SEPTIN5: variants seen among roughly 807,000 people sequenced by gnomAD.
SEPTIN5 encodes septin-5.
Under a neutral mutation model 51.2 loss-of-function variants are expected in SEPTIN5, and 16 were observed. The ratio of observed to expected loss-of-function variants is 0.31; its 90% CI spans 0.21 to 0.47. The LOEUF (loss-of-function observed/expected upper bound fraction) is 0.47, where lower values mean the gene tolerates loss of function less well. SEPTIN5 is among the 20% of genes least tolerant of loss of function. SEPTIN5 has a pLI of 0.99. For synonymous variants in SEPTIN5, 208 were observed against 191.2 expected, an observed-to-expected ratio of 1.09 and a Z score of -0.72; for missense variants, 376 against 500.3, an observed-to-expected ratio of 0.75 and a Z score of 2.37.
chr22:19,718,731 C>T (rs747244051), intron 2 of SEPTIN5: 7 of 1,243,616 alleles, frequency 5.6e-6, no homozygotes, highest in Non-Finnish European at 7.0e-6. Flanking sequence ...CTGGGGGGGT[C>T]GCCGCGATGG....
At chr22:19,720,290 G>C in intron 5 of SEPTIN5, 30 bp from the exon 6 acceptor site, 1 of 1,613,442 alleles carries the variant, frequency 6.2e-7, no homozygotes, top group Non-Finnish European at 8.5e-7. Context: ...CAGCACTCGA[G>C]GCCTGGCCTC....
Position 19,714,929 on chromosome 22 carries a change from C to G in SEPTIN5, c.54+138C>G, listed in dbSNP as rs1449701990. ...CCCTGTCGCGATCACCGATTGTCAG[C>G]CGGGCAGTGCCGCCGCGCCTGGGGC... On this transcript the variant is annotated intron_variant, in intron 2 of 11. Transcript: ENST00000455784. The surrounding 1 kb of genome is among the most constrained non-coding windows in gnomAD (Gnocchi z 5.2). The G allele has an allele frequency of 1.3e-5, 15 of 1,144,244 alleles. No individual in the cohort carries two copies. The South Asian group carries it at 1.9e-4, about 14-fold the overall frequency. 70.9% of individuals were successfully genotyped at this position (1,144,244 alleles called of 1,614,324 possible). A position where few individuals can be genotyped will look rare whatever the true frequency, so the allele number is the denominator to read the frequency against.
Position 19,720,383 on chromosome 22 carries a change from C to T in SEPTIN5, c.426C>T (p.Gly142=), listed in dbSNP as rs759408835. 1.9e-6 allele frequency: 3 copies of T among 1,614,026 alleles called. No homozygotes were observed. Among genetic ancestry groups the T allele is most frequent in the Non-Finnish European group, 2.5e-6 (3 of 1,180,024 alleles). The change falls in exon 6 of 12, where the codon GGC becomes GGT. Residue 142 remains glycine, a synonymous_variant. Transcript: ENST00000455784. ...QFEQYFRDES[G]LNRKNIQDNR... ...AGCAGTACTTCCGTGATGAGAGCGGCCTCAACCGAAAGAACATCCAAGACA... is the reference window on the plus strand; with the variant it reads ...AGCAGTACTTCCGTGATGAGAGCGGTCTCAACCGAAAGAACATCCAAGACA...
At chr22:19,718,545 C>T (rs1568995579) in intron 2 of SEPTIN5, 1 of 1,285,230 alleles carries the variant, frequency 7.8e-7, no homozygotes, top group East Asian at 2.8e-5. Context: ...ATGGCTCGGT[C>T]GGCCTCGGGG....
rs138388239 is a variant in SEPTIN5 at position 19,719,954 on chromosome 22, A to G, written c.238+62A>G. 2,361 of 1,602,720 alleles carry G rather than the reference A, an allele frequency of 1.5e-3. 26 individuals carry two copies. The African/African-American group carries it at 0.028, about 19-fold the overall frequency. On this transcript the variant is annotated intron_variant, in intron 4 of 11. Transcript: ENST00000455784. ...AGTCCCCTTCCATGGGACCTCTCCA[A>G]GGACTCCCTTTCAGGTCCAGCTCCC...
intron 2 of SEPTIN5, chr22:19,718,442 T>A (rs1423642159): frequency 9.1e-7 from 1 of 1,094,624 alleles, no homozygotes; most frequent in Non-Finnish European, 1.1e-6. Context: ...CGCGGGCGCC[T>A]GCGACGCCCC....
intron 2 of SEPTIN5, chr22:19,718,249 G>C: frequency 3.7e-6 from 1 of 270,418 alleles, no homozygotes; most frequent in African/African-American, 2.3e-5. Context: ...CTGGAGCCCG[G>C]ACTGAGGCCC....
Position 19,714,820 on chromosome 22 carries a change from G to A in SEPTIN5, c.54+29G>A, listed in dbSNP as rs557902022. 1.3e-6 allele frequency: 2 copies of A among 1,592,302 alleles called. No homozygotes were observed. Among genetic ancestry groups the A allele is most frequent in the Non-Finnish European group, 8.5e-7 (1 of 1,175,732 alleles). On this transcript the variant is annotated intron_variant, in intron 2 of 11. Transcript: ENST00000455784. This position sits in a 1 kb window ranked among gnomAD's most constrained non-coding sequence, Gnocchi z 5.2. ...CGTGCGCAGCGCCGCTCCCCCGCCG[G>A]GAGACCCGGCCGGCTGTCACCCATT...
rs946095493 is a variant in SEPTIN5 at position 19,722,187 on chromosome 22, G to A, written c.951-50G>A. 17 of 1,381,664 alleles carry A rather than the reference G, an allele frequency of 1.2e-5. No homozygotes were observed. In the East Asian group the frequency reaches 4.0e-4, roughly 32 times the overall value. The allele number at this position is 1,381,664 out of a possible 1,614,324, so 85.6% of individuals were successfully genotyped here. On this transcript the variant is annotated intron_variant, in intron 10 of 11. Coordinates refer to ENST00000455784, the MANE Select transcript of SEPTIN5 (RefSeq NM_002688.6). ...GGGCCAGGCATCGCCAGCCCACGCT[G>A]AGCCTCCCGGTGGCGCCGCCCCGCC...
Position 19,722,503 on chromosome 22 carries a change from C to G in SEPTIN5, c.*19C>G, listed in dbSNP as rs748801287. 1.9e-6 allele frequency: 3 copies of G among 1,578,490 alleles called. No homozygotes were observed. Among genetic ancestry groups the G allele is most frequent in the Non-Finnish European group, 2.6e-6 (3 of 1,162,360 alleles). On this transcript the variant is annotated 3_prime_UTR_variant, in exon 12 of 12. Transcript: ENST00000455784. ...CCAGTGACGCTCGCCGCGGACACACCGTCCGTCTCCGGGACGCCCTCGCAC... is the reference window on the plus strand; with the variant it reads ...CCAGTGACGCTCGCCGCGGACACACGGTCCGTCTCCGGGACGCCCTCGCAC...
chr22:19,722,368 C>T (rs1936062106), intron 11 of SEPTIN5, 29 bp downstream of exon 11: 4 of 1,596,376 alleles, frequency 2.5e-6, no homozygotes, highest in Non-Finnish European at 3.4e-6. Context: ...GCGGCGGAGG[C>T]GGGCGTCAGG....
Position 19,714,746 on chromosome 22 carries a change from C to A in SEPTIN5, c.44-35C>A. ...CCGCCGGCCCGGACCCGCTCGGAAC[C>A]GGACCCGGACTCGACCCCGACCCCG... On this transcript the variant is annotated intron_variant, in intron 1 of 11. Transcript: ENST00000455784. The surrounding 1 kb of genome is among the most constrained non-coding windows in gnomAD (Gnocchi z 5.2). The A allele has an allele frequency of 6.3e-7, 1 of 1,586,102 alleles. No homozygotes were observed.
chr22:19,722,416 C>G lies in SEPTIN5; in HGVS notation c.1054-12C>G. 1 of 1,599,136 alleles carries G rather than the reference C, an allele frequency of 6.3e-7. No individual in the cohort carries two copies. The highest frequency in any genetic ancestry group is 8.5e-7 in the Non-Finnish European group (1 of 1,173,230). ...CGGTGCTGCTCACCCGCCGGGTTGT[C>G]TCCGCCCGCAGCTGAGGCGCATGCA... is the stretch of plus-strand genomic sequence containing the variant. On this transcript the variant is annotated splice_polypyrimidine_tract_variant and intron_variant, in intron 11 of 11. Transcript: ENST00000455784.
rs765329826 is a variant in SEPTIN5, at chr22:19,720,677, C to G, written c.615+11C>G. ...AAGCTGAAGGAGCGGGTGAGCCTGCCGTCGCACAGGGGCCTGGCCAGGGCC... is the reference window on the plus strand; with the variant it reads ...AAGCTGAAGGAGCGGGTGAGCCTGCGGTCGCACAGGGGCCTGGCCAGGGCC... On this transcript the variant is annotated intron_variant, in intron 7 of 11. Coordinates refer to ENST00000455784, the MANE Select transcript of SEPTIN5 (RefSeq NM_002688.6). 1 of 1,612,800 alleles carries G rather than the reference C, an allele frequency of 6.2e-7. No individual in the cohort carries two copies.
intron 2 of SEPTIN5, chr22:19,717,303 G>T (rs1024208781): frequency 6.4e-6 from 3 of 470,704 alleles, no homozygotes; most frequent in African/African-American, 4.0e-5. Context: ...GGGCTTGCCT[G>T]TTGGGATTCT....
At chr22:19,718,977 C>G in intron 2 of SEPTIN5, 2 of 687,144 alleles carry the variant, frequency 2.9e-6, no homozygotes, top group African/African-American at 1.9e-5. Context: ...GGTGGGGCGA[C>G]GTGCCCTGTC....
In SEPTIN5 at chr22:19,722,489, C is replaced by T. The variant is rs745851889; in HGVS notation, c.*5C>T. 1.3e-5 allele frequency: 21 copies of T among 1,590,942 alleles called. No individual in the cohort carries two copies. Among genetic ancestry groups the T allele is most frequent in the Non-Finnish European group, 1.5e-5 (18 of 1,169,060 alleles). On this transcript the variant is annotated 3_prime_UTR_variant, in exon 12 of 12. Coordinates refer to ENST00000455784, the MANE Select transcript of SEPTIN5 (RefSeq NM_002688.6). ...CAGCAGATGCAGGACCAGTGACGCT[C>T]GCCGCGGACACACCGTCCGTCTCCG...
chr22:19,719,834 G>C lies in SEPTIN5; in HGVS notation c.180G>C (p.Leu60=). 6.2e-7 allele frequency: 1 copy of C among 1,613,084 alleles called. No individual in the cohort carries two copies. The highest frequency in any genetic ancestry group is 8.5e-7 in the Non-Finnish European group (1 of 1,179,954). ...AGTCAGGCCTGGGGAAGTCCACACTGGTCCACAGCCTCTTCCTGACAGACT... is the reference window on the plus strand; with the variant it reads ...AGTCAGGCCTGGGGAAGTCCACACTCGTCCACAGCCTCTTCCTGACAGACT... ...AGESGLGKST[L]VHSLFLTDLY... Residue 60 remains leucine, a synonymous_variant, in exon 4 of 12, where the codon CTG becomes CTC. Transcript: ENST00000455784.
rs747286169 is a variant in SEPTIN5 at position 19,714,770 on chromosome 22, C to T, written c.44-11C>T. 6.3e-7 allele frequency: 1 copy of T among 1,594,398 alleles called. No homozygotes were observed. The highest frequency in any genetic ancestry group is 8.5e-7 in the Non-Finnish European group (1 of 1,176,360). ...CCGGACCCGGACTCGACCCCGACCC[C>T]GACCCCGCAGAGGACAAGCAGGTAC... On this transcript the variant is annotated splice_polypyrimidine_tract_variant and intron_variant, in intron 1 of 11. Transcript: ENST00000455784. The surrounding 1 kb of genome is among the most constrained non-coding windows in gnomAD (Gnocchi z 5.2).
Sources: allele counts gnomAD v4.1 joint callset, GRCh38; gene constraint gnomAD v4.1.1; non-coding constraint Gnocchi (gnomAD v3.1); transcripts MANE v1.5; gene names NCBI Gene and HGNC (gene_info 2026-07-23, HGNC 2026-07-21).